Variants in PDE1A observed in about 807,000 individuals in gnomAD.
PDE1A encodes the protein phosphodiesterase 1A, also known as dual specificity calcium/calmodulin-dependent 3',5'-cyclic nucleotide phosphodiesterase 1A.
In PDE1A, 35 loss-of-function variants were observed where a neutral mutation model predicts 61.7. The observed-to-expected ratio is 0.57, with a 90% CI of 0.43 to 0.75. The LOEUF (loss-of-function observed/expected upper bound fraction) is 0.75. Ranked by LOEUF, PDE1A falls within the 30% of genes least tolerant of loss-of-function variation. PDE1A has a pLI of 0.00. For synonymous variants in PDE1A, 232 were observed against 213.2 expected (o/e 1.09, Z -0.77); for missense variants, 597 against 630.6 (o/e 0.95, Z 0.57).
At chr2:182,469,751 T>A (rs1016156964) in intron 2 of PDE1A, among the ~76,000 whole-genome samples, 1 of 151,926 alleles carries the variant, frequency 6.6e-6, no homozygotes, top group African/African-American at 2.4e-5. Context: ...GTGAGAAACA[T>A]GCAACTCTTT....
chr2:182,677,149 G>A, the PDE1A span, among the ~76,000 whole-genome samples: 2 of 152,130 alleles, frequency 1.3e-5, no homozygotes, highest in Non-Finnish European at 2.9e-5. Context: ...AATATGATTT[G>A]ATATCAAGAA....
chr2:182,715,143 CTG>C, the PDE1A span, among the ~76,000 whole-genome samples: 59 of 152,290 alleles, frequency 3.9e-4, no homozygotes, highest in Non-Finnish European at 1.3e-4. Flanking sequence ...TGGTTACACA[CTG>C]TGTCATAATG....
chr2:182,253,421 T>C (rs1691549524), intron 2 of PDE1A, among the ~76,000 whole-genome samples: 1 of 152,160 alleles, frequency 6.6e-6, no homozygotes, highest in African/African-American at 2.4e-5. Flanking sequence ...ACTTTAGTAT[T>C]AGGTTTAGCT....
the PDE1A span, among the ~76,000 whole-genome samples, chr2:182,702,629 A>G: frequency 6.6e-6 from 1 of 152,204 alleles, no homozygotes; most frequent in Non-Finnish European, 1.5e-5. Flanking sequence ...ATAATTATAA[A>G]AGTTATAAAA....
chr2:182,254,940 T>C (rs189916743), intron 2 of PDE1A, among the ~76,000 whole-genome samples: 194 of 152,276 alleles, frequency 1.3e-3, no homozygotes, highest in African/African-American at 4.6e-3. Flanking sequence ...TCAACTCCCC[T>C]GGACACAATG....
At chr2:182,254,288 G>A (rs2125744529) in intron 2 of PDE1A, among the ~76,000 whole-genome samples, 1 of 152,060 alleles carries the variant, frequency 6.6e-6, no homozygotes, top group South Asian at 2.1e-4. Flanking sequence ...CCACCTACAG[G>A]GTGAGAACAG....
At chr2:182,605,412 G>C in the PDE1A span, among the ~76,000 whole-genome samples, 1 of 151,750 alleles carries the variant, frequency 6.6e-6, no homozygotes, top group East Asian at 1.9e-4. Flanking sequence ...TCCAGCCAGA[G>C]GTTTTAAAAG....
At chr2:182,359,029 T>G (rs907590219) in intron 1 of PDE1A, among the ~76,000 whole-genome samples, 4 of 152,054 alleles carry the variant, frequency 2.6e-5, no homozygotes, top group Admixed American at 2.6e-4. Context: ...TTTTATTCTT[T>G]CTTTCCTTTC....
the PDE1A span, among the ~76,000 whole-genome samples, chr2:182,613,143 A>T: frequency 6.6e-6 from 1 of 152,236 alleles, no homozygotes; most frequent in Non-Finnish European, 1.5e-5. Context: ...ATCAGAGAAA[A>T]ATACCATGCA....
intron 1 of PDE1A, among the ~76,000 whole-genome samples, chr2:182,419,463 G>A (rs1398363801): frequency 6.6e-6 from 1 of 151,616 alleles, no homozygotes; most frequent in Non-Finnish European, 1.5e-5. Flanking sequence ...AGCCTCCCGA[G>A]TAGCTAGGAC....
the PDE1A span, among the ~76,000 whole-genome samples, chr2:182,658,658 C>T: frequency 6.3e-4 from 96 of 152,232 alleles, no homozygotes; most frequent in African/African-American, 2.3e-3. Flanking sequence ...TATTAATAAG[C>T]GTAACAAGAA....
At chr2:182,314,317 C>G (rs1696189124) in intron 1 of PDE1A, 1 of 152,160 alleles carries the variant, frequency 6.6e-6, no homozygotes, top group African/African-American at 2.4e-5. Context: ...GTCCCAGCTA[C>G]TTGAAGGCTG....
chr2:182,291,287 A>G (rs1694514637), intron 1 of PDE1A, among the ~76,000 whole-genome samples: 1 of 148,802 alleles, frequency 6.7e-6, no homozygotes, highest in South Asian at 2.1e-4. Flanking sequence ...GAGATTTCCA[A>G]AAGAAATTTC....
At chr2:182,526,252 A>T (rs1396149980), upstream of PDE1A, among the ~76,000 whole-genome samples, 1 of 152,228 alleles carries the variant, frequency 6.6e-6, no homozygotes, top group African/African-American at 2.4e-5. Flanking sequence ...AAATATTGGA[A>T]AAATTCCAAT....
chr2:182,714,986 T>C, the PDE1A span, among the ~76,000 whole-genome samples: 1 of 152,208 alleles, frequency 6.6e-6, no homozygotes, highest in East Asian at 1.9e-4. Context: ...GTCTCTTTTT[T>C]AAAAGCTTCC....
intron 1 of PDE1A, among the ~76,000 whole-genome samples, chr2:182,310,589 G>C (rs994846501): frequency 6.6e-6 from 1 of 151,962 alleles, no homozygotes; most frequent in African/African-American, 2.4e-5. Context: ...CCTAGTAAAC[G>C]AGATGTATTT....
In PDE1A at chr2:182,466,516, A is replaced by G. The variant is rs566631330; in HGVS notation, c.101+55760T>C. Among the ~76,000 whole-genome samples the G allele has an allele frequency of 1.5e-4, 23 of 152,210 alleles. No individual in the cohort carries two copies. In the East Asian group the frequency reaches 3.3e-3, roughly 22 times the overall value. On this transcript the variant is annotated intron_variant, in intron 2 of 14. Coordinates refer to the PDE1A transcript ENST00000410103. ...CCTACAAATGTGAAGGTATAGTAAC[A>G]TAAGTCCACGAAGTATGTTGGCAAA...
chr2:182,159,373 C>T (rs1691256863), intron 13 of PDE1A, among the ~76,000 whole-genome samples: 1 of 152,120 alleles, frequency 6.6e-6, no homozygotes, highest in African/African-American at 2.4e-5. Flanking sequence ...TTGATTTACT[C>T]ATCAGAAAAC....
chr2:182,495,578 A>C (rs560702273), intron 2 of PDE1A, among the ~76,000 whole-genome samples: 42 of 152,334 alleles, frequency 2.8e-4, no homozygotes, highest in African/African-American at 9.9e-4. Flanking sequence ...TTTAAATCAA[A>C]GGATTATATA....
Sources: gnomAD v4.1 joint callset for allele counts (sites outside exome capture counted in the v4.1 genomes callset) on GRCh38, gnomAD v4.1.1 for gene constraint, MANE v1.5 for transcripts, NCBI Gene and HGNC (gene_info 2026-07-23, HGNC 2026-07-21) for gene names.